Variants in MAF observed in about 807,000 individuals in gnomAD.
MAF encodes the protein MAF bZIP transcription factor.
A neutral mutation model predicts 22.0 loss-of-function variants in MAF; 10 were observed. That is an observed-to-expected ratio of 0.45 (90% CI 0.28 to 0.77). The LOEUF is 0.77. Ranked by LOEUF, MAF falls within the 30% of genes least tolerant of loss-of-function variation. The probability of loss-of-function intolerance (pLI) is 0.12; values close to 1 mark genes in which losing one functional copy is unlikely to be tolerated. For synonymous variants in MAF, 337 were observed against 255.8 expected (o/e 1.32, Z -3.03); for missense variants, 544 against 548.4 (o/e 0.99, Z 0.08).
rs1384717666 is a variant in MAF, at chr16:79,599,369, G to T, written c.534C>A (p.Gly178=). The part of the protein sequence containing the change: ...IAAAAAQSGA[G]PHYHHHHHHA... ...GGTGGTGGTGGTGGTGGTAGTGCGGGCCCGCGCCGCTCTGCGCGGCGGCCG... is the reference window on the plus strand; with the variant it reads ...GGTGGTGGTGGTGGTGGTAGTGCGGTCCCGCGCCGCTCTGCGCGGCGGCCG... The change falls in exon 1 of 2, where the codon GGC becomes GGA. Residue 178 remains glycine, a synonymous_variant. Coordinates refer to ENST00000326043, the MANE Select transcript of MAF (RefSeq NM_005360.5). The T allele has an allele frequency of 6.0e-6, 6 of 998,708 alleles. No homozygotes were observed. The Admixed American group carries it at 3.0e-4, about 50-fold the overall frequency. The allele number at this position is 998,708 out of a possible 1,614,324, so 61.9% of individuals were successfully genotyped here.
At chr16:79,370,138 T>C in the MAF span, among the ~76,000 whole-genome samples, 2 of 152,296 alleles carry the variant, frequency 1.3e-5, no homozygotes, top group Non-Finnish European at 2.9e-5. Context: ...AGGAGGCTAA[T>C]TGGCTAAAGT....
At chr16:79,364,997 G>C in the MAF span, among the ~76,000 whole-genome samples, 1 of 152,182 alleles carries the variant, frequency 6.6e-6, no homozygotes, top group African/African-American at 2.4e-5. Flanking sequence ...GTTTGTAGAG[G>C]CAAGACAAAA....
At chr16:79,426,829 G>A in the MAF span, among the ~76,000 whole-genome samples, 2 of 152,220 alleles carry the variant, frequency 1.3e-5, no homozygotes, top group African/African-American at 2.4e-5. Flanking sequence ...GCGTGAGCCC[G>A]GAGTGCTGGG....
At chr16:79,440,018 A>G in the MAF span, among the ~76,000 whole-genome samples, 4 of 152,218 alleles carry the variant, frequency 2.6e-5, no homozygotes, top group Non-Finnish European at 5.9e-5. Flanking sequence ...TGGAGAACAG[A>G]CAGGCACAGT....
At chr16:79,210,495 A>C in the MAF span, among the ~76,000 whole-genome samples, 2 of 152,062 alleles carry the variant, frequency 1.3e-5, no homozygotes, top group Non-Finnish European at 1.5e-5. Context: ...CCCACAATCA[A>C]AGTTCCTTAG....
chr16:79,485,099 G>C, the MAF span, among the ~76,000 whole-genome samples: 186 of 152,264 alleles, frequency 1.2e-3, no homozygotes, highest in Middle Eastern at 0.02. Context: ...AAAGAATTTA[G>C]CATGAGACGT....
At chr16:79,229,725 A>AAG in the MAF span, among the ~76,000 whole-genome samples, 1 of 152,002 alleles carries the variant, frequency 6.6e-6, no homozygotes, top group Non-Finnish European at 1.5e-5. Context: ...GAGTGCACCG[A>AAG]GCAAAGCGCC....
the MAF span, among the ~76,000 whole-genome samples, chr16:79,318,396 G>A: frequency 6.6e-5 from 10 of 152,140 alleles, no homozygotes; most frequent in African/African-American, 2.4e-4. Context: ...GGGTACATGA[G>A]CAATTTCTGG....
the MAF span, among the ~76,000 whole-genome samples, chr16:79,465,937 T>C: frequency 2.6e-5 from 4 of 152,206 alleles, no homozygotes; most frequent in Admixed American, 2.6e-4. Flanking sequence ...TTTGCAAATA[T>C]TAAATCTTTT....
the MAF span, chr16:79,212,530 T>TG: frequency 1.2e-4 from 21 of 174,062 alleles, no homozygotes; most frequent in East Asian, 2.4e-3. Context: ...CAGGATATTT[T>TG]GGGGGGCAGA....
At chr16:79,520,311 A>G in the MAF span, among the ~76,000 whole-genome samples, 2 of 151,718 alleles carry the variant, frequency 1.3e-5, no homozygotes. Flanking sequence ...TGCCTAAGAG[A>G]CCCTTCAGTG....
the MAF span, among the ~76,000 whole-genome samples, chr16:79,565,973 C>G: frequency 6.6e-6 from 1 of 152,156 alleles, no homozygotes; most frequent in African/African-American, 2.4e-5. Context: ...TCAAGTCTGG[C>G]AGACTCTAGG....
At chr16:79,557,002 G>A in the MAF span, among the ~76,000 whole-genome samples, 34 of 148,654 alleles carry the variant, frequency 2.3e-4, no homozygotes, top group African/African-American at 6.7e-4. Context: ...AAAAAATCAA[G>A]AGACAGGGGC....
the MAF span, chr16:79,515,955 C>CTTT: frequency 1.3e-4 from 12 of 94,124 alleles, no homozygotes; most frequent in African/African-American, 3.9e-4. Context: ...AAAATTAAGC[C>CTTT]TTTTTTTTTT....
At chr16:79,322,431 T>C in the MAF span, among the ~76,000 whole-genome samples, 1 of 152,068 alleles carries the variant, frequency 6.6e-6, no homozygotes, top group African/African-American at 2.4e-5. Context: ...TGCTTGTGAT[T>C]TGAGAAAAAC....
the MAF span, among the ~76,000 whole-genome samples, chr16:79,527,677 T>C: frequency 4.9e-3 from 742 of 152,230 alleles, 5 homozygotes; most frequent in Non-Finnish European, 8.2e-3. Flanking sequence ...TAAAACCACT[T>C]CTTAGTGAAG....
At chr16:79,220,595 A>ACC in the MAF span, among the ~76,000 whole-genome samples, 5 of 152,120 alleles carry the variant, frequency 3.3e-5, no homozygotes, top group Admixed American at 1.3e-4. Flanking sequence ...TAAAATTTCT[A>ACC]CCCTTTACCA....
At chr16:79,410,634 T>G in the MAF span, among the ~76,000 whole-genome samples, 1,789 of 152,276 alleles carry the variant, frequency 0.012, 8 homozygotes, top group Admixed American at 0.017. Flanking sequence ...ACCAGTAACA[T>G]GCATGGCTGT....
At chr16:79,278,091 A>T in the MAF span, among the ~76,000 whole-genome samples, 13 of 152,222 alleles carry the variant, frequency 8.5e-5, no homozygotes, top group African/African-American at 3.1e-4. Flanking sequence ...AGTGAATACA[A>T]GTTTGCTTCT....
Sources: allele counts gnomAD v4.1 joint callset (sites outside exome capture counted in the v4.1 genomes callset), GRCh38; gene constraint gnomAD v4.1.1; transcripts MANE v1.5; gene names NCBI Gene and HGNC (gene_info 2026-07-23, HGNC 2026-07-21).